Variants in PNPT1 observed in about 807,000 individuals in gnomAD.
PNPT1 encodes polyribonucleotide nucleotidyltransferase 1, mitochondrial.
Under a neutral mutation model 119.5 loss-of-function variants are expected in PNPT1, and 53 were observed. The ratio of observed to expected loss-of-function variants is 0.44; its 90% CI spans 0.36 to 0.56. The LOEUF (loss-of-function observed/expected upper bound fraction) is 0.56. Ranked by LOEUF, PNPT1 falls within the 20% of genes least tolerant of loss-of-function variation. The pLI, the probability that PNPT1 is intolerant of heterozygous loss-of-function variation, is 0.00. For missense variants in PNPT1, 948 were observed against 938.5 expected, an observed-to-expected ratio of 1.01 and a Z score of -0.13; for synonymous variants, 357 against 322.1, an observed-to-expected ratio of 1.11 and a Z score of -1.16.
intron 15 of PNPT1, 124 bp from the exon 16 acceptor site, chr2:55,656,495 T>A: frequency 1.2e-6 from 1 of 841,316 alleles, no homozygotes; most frequent in Non-Finnish European, 1.8e-6. Context: ...TTTAAAAAAG[T>A]ACATTCATAA....
intron 18 of PNPT1, among the ~76,000 whole-genome samples, chr2:55,648,377 G>A (rs1328007358): frequency 6.6e-6 from 1 of 152,166 alleles, no homozygotes; most frequent in Non-Finnish European, 1.5e-5. Flanking sequence ...CGATTGCTGA[G>A]TCAAAAGGTA....
At chr2:55,667,586 A>C (rs1572819011) in intron 12 of PNPT1, among the ~76,000 whole-genome samples, 1 of 39,320 alleles carries the variant, frequency 2.5e-5, no homozygotes, top group Non-Finnish European at 4.6e-5. Flanking sequence ...ACTCTGTCTC[A>C]AAAAAAAAAA....
intron 18 of PNPT1, among the ~76,000 whole-genome samples, chr2:55,650,599 C>T (rs1227011028): frequency 2.6e-5 from 4 of 151,606 alleles, no homozygotes; most frequent in African/African-American, 7.3e-5. Flanking sequence ...TCTTCCCGGC[C>T]GCCATCCCAT....
At chr2:55,647,909 T>G (rs1696051438) in intron 18 of PNPT1, among the ~76,000 whole-genome samples, 1 of 152,242 alleles carries the variant, frequency 6.6e-6, no homozygotes, top group South Asian at 2.1e-4. Context: ...GTCATCTGAC[T>G]ACTTCGTTTG....
chr2:55,672,187 G>T, intron 9 of PNPT1, 141 bp from the exon 10 acceptor site: 2 of 653,034 alleles, frequency 3.1e-6, no homozygotes, highest in Non-Finnish European at 5.1e-6. Context: ...AATTTATATT[G>T]CTATTTATCA....
intron 18 of PNPT1, among the ~76,000 whole-genome samples, chr2:55,652,448 G>T (rs1696241615): frequency 6.6e-6 from 1 of 151,936 alleles, no homozygotes; most frequent in South Asian, 2.1e-4. Flanking sequence ...GCTCAATTTT[G>T]TCAGTCACCC....
chr2:55,673,355 C>T (rs569799824), intron 8 of PNPT1, among the ~76,000 whole-genome samples: 6 of 151,402 alleles, frequency 4.0e-5, no homozygotes, highest in African/African-American at 1.5e-4. Flanking sequence ...AAAAAGAAAT[C>T]ATGCACATAT....
At chr2:55,677,112 G>T (rs1448913812) in intron 8 of PNPT1, among the ~76,000 whole-genome samples, 1 of 152,136 alleles carries the variant, frequency 6.6e-6, no homozygotes, top group African/African-American at 2.4e-5. Context: ...ATGGAGGCTG[G>T]TAATTCCTAA....
chr2:55,686,229 G>C (rs1227460916), intron 3 of PNPT1, 141 bp downstream of exon 3: 14 of 673,750 alleles, frequency 2.1e-5, no homozygotes, highest in African/African-American at 3.7e-5. Context: ...CTCTTTTAAT[G>C]AATCAGTATC....
chr2:55,686,308 A>G, intron 3 of PNPT1, 62 bp downstream of exon 3: 4 of 1,481,560 alleles, frequency 2.7e-6, no homozygotes, highest in Non-Finnish European at 3.7e-6. Context: ...GGACAAAAAT[A>G]TTATACATTC....
At position 55,636,402 on chromosome 2, in the gene PNPT1, A is replaced by T; in HGVS notation, c.2197-10T>A. 6.2e-7 allele frequency: 1 copy of T among 1,613,128 alleles called. No individual in the cohort carries two copies. The highest frequency in any genetic ancestry group is 8.5e-7 in the Non-Finnish European group (1 of 1,179,410). ...GTCCAAAGTATTTCACCTGTGTTAA[A>T]GAAACAGATCTTCCTTTAAAGTTAC... On this transcript the variant is annotated splice_polypyrimidine_tract_variant and intron_variant, in intron 27 of 27. Coordinates refer to ENST00000447944, the MANE Select transcript of PNPT1 (RefSeq NM_033109.5).
chr2:55,637,323 G>A lies in PNPT1; in HGVS notation c.2196+229C>T, dbSNP rs775754180. 5.8e-4 allele frequency among the ~76,000 whole-genome samples: 88 copies of A among 152,252 alleles called. 1 individual carries two copies. Among genetic ancestry groups the A allele is most frequent in the East Asian group, 1.2e-3 (6 of 5,186 alleles). Reference sequence around the variant, plus strand: ...TAACATGCTCATGTATTTTTTAAACGAACTAAGGGTGACTACCATTTTGGC... The same window carrying A: ...TAACATGCTCATGTATTTTTTAAACAAACTAAGGGTGACTACCATTTTGGC... On this transcript the variant is annotated intron_variant, in intron 27 of 27. Transcript: ENST00000447944.
In PNPT1 at chr2:55,683,815, G is replaced by C. The variant is rs777911727; in HGVS notation, c.423C>G (p.Leu141=). 9 of 1,613,594 alleles carry C rather than the reference G, an allele frequency of 5.6e-6. No homozygotes were observed. Among genetic ancestry groups the C allele is most frequent in the Non-Finnish European group, 6.8e-6 (8 of 1,179,780 alleles). ...TATCATAGAAGTAGCCAGCTGGAAA[G>C]AGCGGTCTAATTGAACGATCTGCCA... ...SRIIDRSIRP[L]FPAGYFYDTQ... is the part of the protein sequence containing the mutation. The change falls in exon 5 of 28, where the codon CTC becomes CTG. Residue 141 remains leucine, a synonymous_variant. Coordinates refer to ENST00000447944, the MANE Select transcript of PNPT1 (RefSeq NM_033109.5).
intron 17 of PNPT1, among the ~76,000 whole-genome samples, chr2:55,655,281 C>T (rs1696350728): frequency 6.6e-6 from 1 of 152,128 alleles, no homozygotes; most frequent in South Asian, 2.1e-4. Context: ...GAGTCTCAGC[C>T]TGCCACCACG....
chr2:55,635,550 T>G lies in PNPT1; in HGVS notation c.*687A>C, dbSNP rs1695644868. On this transcript the variant is annotated 3_prime_UTR_variant, in exon 28 of 28. Coordinates refer to ENST00000447944, the MANE Select transcript of PNPT1 (RefSeq NM_033109.5). ...GGATGGTCTCGATCTCCTGATCTCA[T>G]GATCCGCCTGCCTTAGCCAATAATC... The G allele has an allele frequency of 5.3e-5, 8 of 152,240 alleles. No individual in the cohort carries two copies. Among genetic ancestry groups the G allele is most frequent in the Admixed American group, 5.2e-4 (8 of 15,272 alleles). The allele number at this position is 152,240 out of a possible 1,614,324, so 9.4% of individuals were successfully genotyped here.
At position 55,675,592 on chromosome 2, in the gene PNPT1, G is replaced by A. The variant is rs540171308; in HGVS notation, c.680-2513C>T. ...ATGTGCCTGGATTCCCAGCTACTCAGGAGGCTGAGGACATAGGATCGTTTG... is the reference window on the plus strand; with the variant it reads ...ATGTGCCTGGATTCCCAGCTACTCAAGAGGCTGAGGACATAGGATCGTTTG... On this transcript the variant is annotated intron_variant, in intron 8 of 27. Coordinates refer to ENST00000447944, the MANE Select transcript of PNPT1 (RefSeq NM_033109.5). Among the ~76,000 whole-genome samples, 3 of 152,192 alleles carry A rather than the reference G, an allele frequency of 2.0e-5. No homozygotes were observed. In the South Asian group the frequency reaches 6.2e-4, roughly 32 times the overall value.
intron 1 of PNPT1, among the ~76,000 whole-genome samples, chr2:55,690,720 T>C (rs1467192357): frequency 6.6e-6 from 1 of 152,202 alleles, no homozygotes; most frequent in South Asian, 2.1e-4. Flanking sequence ...TCAGGGAATA[T>C]TTGAGAAATT....
At position 55,667,031 on chromosome 2, in the gene PNPT1, G is replaced by A; in HGVS notation, c.1136C>T (p.Thr379Ile). 2 of 1,609,264 alleles carry A rather than the reference G, an allele frequency of 1.2e-6. No homozygotes were observed. Among genetic ancestry groups the A allele is most frequent in the Non-Finnish European group, 1.7e-6 (2 of 1,178,214 alleles). ...TTGAAATAATGCTGATCCATGAAGGGTTTTAAACATATCTACCTCACAACT... is the reference window on the plus strand; with the variant it reads ...TTGAAATAATGCTGATCCATGAAGGATTTTAAACATATCTACCTCACAACT... ...NVSCEVDMFKTLHGSALFQRG... is the reference protein window; with the variant it reads ...NVSCEVDMFKILHGSALFQRG... Residue 379 changes from threonine to isoleucine, a missense_variant, in exon 13 of 28, where the codon ACC becomes ATC. Physicochemically the swap from Thr to Ile is moderately conservative, Grantham distance 89 (BLOSUM62 -1). Coordinates refer to ENST00000447944, the MANE Select transcript of PNPT1 (RefSeq NM_033109.5).
intron 11 of PNPT1, among the ~76,000 whole-genome samples, chr2:55,668,961 T>C (rs776873908): frequency 6.6e-6 from 1 of 152,210 alleles, no homozygotes; most frequent in Non-Finnish European, 1.5e-5. Flanking sequence ...ATCTGCAAAT[T>C]GGGGAAAAAT....
Sources: gnomAD v4.1 joint callset for allele counts (sites outside exome capture counted in the v4.1 genomes callset) on GRCh38, gnomAD v4.1.1 for gene constraint, MANE v1.5 for transcripts, NCBI Gene and HGNC (gene_info 2026-07-23, HGNC 2026-07-21) for gene names.